The following MDFIC variants were observed in gnomAD, a reference collection of about 807,000 sequenced individuals.
The protein encoded by MDFIC is myoD family inhibitor domain-containing protein.
In MDFIC, 17 loss-of-function variants were observed where a neutral mutation model predicts 23.2. The observed-to-expected ratio is 0.73, with a 90% CI of 0.50 to 1.10. The LOEUF is 1.10. MDFIC is among the 50% of genes least tolerant of loss of function. MDFIC has a pLI of 0.00. For synonymous variants in MDFIC, 120 were observed against 115.2 expected (o/e 1.04, Z -0.27); for missense variants, 356 against 316.6 (o/e 1.12, Z -0.95).
intron 4 of MDFIC, among the ~76,000 whole-genome samples, chr7:114,988,589 G>C: frequency 6.6e-6 from 1 of 152,178 alleles, no homozygotes. Flanking sequence ...AGAGCAGTCA[G>C]ATATGTATTA....
At chr7:114,975,561 CT>C (rs5886744) in intron 3 of MDFIC, among the ~76,000 whole-genome samples, 137,962 of 147,680 alleles carry the variant, frequency 0.93, 64,805 homozygotes, top group South Asian at 1. Context: ...TATTAGCATG[CT>C]TTTTTTTTTT....
At chr7:114,929,084 G>GATCGATCTATCTATCTATCT (rs1554470006) in intron 2 of MDFIC, among the ~76,000 whole-genome samples, 1 of 147,960 alleles carries the variant, frequency 6.8e-6, no homozygotes, top group Non-Finnish European at 1.5e-5. Flanking sequence ...GATAAATATA[G>GATCGATCTATCTATCTATCT]ATCTATCTAT....
Position 114,953,820 on chromosome 7 carries a change from T to C in MDFIC, c.217+11423T>C, listed in dbSNP as rs971817253. On this transcript the variant is annotated intron_variant, in intron 3 of 4. Transcript: ENST00000393486. ...CTTTAAATTGTCTCTACATTACTTA[T>C]AATACCTAATACAATGTAAATGCTA... Among the ~76,000 whole-genome samples the C allele has an allele frequency of 5.9e-5, 9 of 152,344 alleles. No individual in the cohort carries two copies. The East Asian group carries it at 1.2e-3, about 20-fold the overall frequency.
At chr7:114,993,877 G>A (rs1312720779) in intron 4 of MDFIC, among the ~76,000 whole-genome samples, 3 of 152,192 alleles carry the variant, frequency 2.0e-5, no homozygotes, top group Non-Finnish European at 4.4e-5. Flanking sequence ...GTTTGGTGCA[G>A]AGCTGAGTTC....
At chr7:115,007,630 G>GTATATATATATATATATATATA (rs10528546) in intron 4 of MDFIC, among the ~76,000 whole-genome samples, 1 of 132,878 alleles carries the variant, frequency 7.5e-6, no homozygotes, top group Non-Finnish European at 1.5e-5. Context: ...GCGTGTGTGT[G>GTATATATATATATATATATATA]TATATATATA....
intron 4 of MDFIC, among the ~76,000 whole-genome samples, chr7:114,997,250 T>G (rs1231801386): frequency 6.6e-6 from 1 of 152,046 alleles, no homozygotes; most frequent in Non-Finnish European, 1.5e-5. Context: ...AAGGCGAATG[T>G]TTTTAGAATG....
intron 3 of MDFIC, among the ~76,000 whole-genome samples, chr7:114,950,141 G>A (rs1353209382): frequency 1.3e-5 from 2 of 152,134 alleles, no homozygotes; most frequent in African/African-American, 4.8e-5. Flanking sequence ...TGGAAATAGT[G>A]AGAAAATAAA....
intron 3 of MDFIC, among the ~76,000 whole-genome samples, chr7:114,948,973 T>C (rs1792707000): frequency 6.6e-6 from 1 of 152,210 alleles, no homozygotes; most frequent in South Asian, 2.1e-4. Flanking sequence ...TTTTGTGTTT[T>C]TCTAGATACT....
intron 3 of MDFIC, among the ~76,000 whole-genome samples, chr7:114,964,408 G>T (rs1793053464): frequency 6.6e-6 from 1 of 152,134 alleles, no homozygotes; most frequent in Non-Finnish European, 1.5e-5. Context: ...TACTTATTAA[G>T]ATTTTATTTA....
intron 4 of MDFIC, among the ~76,000 whole-genome samples, chr7:115,013,716 C>T (rs1442051007): frequency 2.0e-5 from 3 of 151,964 alleles, no homozygotes; most frequent in African/African-American, 7.3e-5. Context: ...CAAATCATGA[C>T]GATAATGTAA....
At chr7:114,957,927 T>A (rs1792913676) in intron 3 of MDFIC, among the ~76,000 whole-genome samples, 1 of 152,206 alleles carries the variant, frequency 6.6e-6, no homozygotes, top group South Asian at 2.1e-4. Flanking sequence ...GTAAGAATAA[T>A]CTGTATCACA....
intron 3 of MDFIC, among the ~76,000 whole-genome samples, chr7:114,951,220 G>T (rs1792762442): frequency 1.5e-5 from 2 of 133,802 alleles, no homozygotes; most frequent in African/African-American, 5.3e-5. Flanking sequence ...AATGGTTTAG[G>T]AAGAATAGCC....
At chr7:115,012,924 A>C (rs2116141555) in intron 4 of MDFIC, among the ~76,000 whole-genome samples, 1 of 152,296 alleles carries the variant, frequency 6.6e-6, no homozygotes, top group East Asian at 1.9e-4. Context: ...GGTTGCAATG[A>C]GCCAAGATCG....
chr7:114,959,398 A>C (rs912966182), intron 3 of MDFIC, among the ~76,000 whole-genome samples: 12 of 152,300 alleles, frequency 7.9e-5, no homozygotes, highest in Admixed American at 2.0e-4. Flanking sequence ...TCTTAATTGA[A>C]GGTGTAGTGT....
intron 3 of MDFIC, among the ~76,000 whole-genome samples, chr7:114,951,386 T>G (rs186374042): frequency 6.6e-6 from 1 of 152,292 alleles, no homozygotes; most frequent in Admixed American, 6.5e-5. Context: ...TCTTCATTAC[T>G]GTAAGATTCC....
chr7:114,995,798 C>A (rs192003582), intron 4 of MDFIC, among the ~76,000 whole-genome samples: 99 of 152,264 alleles, frequency 6.5e-4, no homozygotes, highest in African/African-American at 2.3e-3. Context: ...GATCAGGGAC[C>A]CACTTGAGGA....
chr7:114,942,721 A>T (rs1203172560), intron 3 of MDFIC, among the ~76,000 whole-genome samples: 2 of 152,214 alleles, frequency 1.3e-5, no homozygotes. Context: ...AGAAACTAAA[A>T]AGAGGAAGAT....
At chr7:114,973,101 G>GTA (rs61549771) in intron 3 of MDFIC, among the ~76,000 whole-genome samples, 56,017 of 147,440 alleles carry the variant, frequency 0.38, 11,016 homozygotes, top group South Asian at 0.54. Flanking sequence ...GTGTGTGTGT[G>GTA]TATATATATA....
At chr7:114,984,787 G>A (rs1212192834) in intron 4 of MDFIC, among the ~76,000 whole-genome samples, 1 of 152,110 alleles carries the variant, frequency 6.6e-6, no homozygotes, top group Non-Finnish European at 1.5e-5. Flanking sequence ...ATCTTAGTAT[G>A]TTTTACATGT....
Sources: allele counts gnomAD v4.1 joint callset (sites outside exome capture counted in the v4.1 genomes callset), GRCh38; gene constraint gnomAD v4.1.1; transcripts MANE v1.5; gene names NCBI Gene and HGNC (gene_info 2026-07-23, HGNC 2026-07-21).